Variants in KLHL29 observed in about 807,000 individuals in gnomAD.
KLHL29 encodes kelch like family member 29, also known as kelch-like protein 29.
KLHL29 carries 21 observed loss-of-function variants against 80.4 expected under a neutral mutation model. The observed-to-expected ratio is 0.26, with a 90% confidence interval of 0.19 to 0.38. The LOEUF (loss-of-function observed/expected upper bound fraction) is 0.38. Ranked by LOEUF, KLHL29 falls within the 10% of genes least tolerant of loss-of-function variation. The probability of loss-of-function intolerance (pLI) is 1.00; values close to 1 mark genes in which losing one functional copy is unlikely to be tolerated. For missense variants in KLHL29, 867 were observed against 1,223.9 expected, an observed-to-expected ratio of 0.71 and a Z score of 4.35; for synonymous variants, 511 against 526.8, an observed-to-expected ratio of 0.97 and a Z score of 0.41.
At chr2:23,627,924 T>TTTTTTTTG (rs1558414555) in intron 3 of KLHL29, among the ~76,000 whole-genome samples, 4 of 150,046 alleles carry the variant, frequency 2.7e-5, no homozygotes, top group Admixed American at 6.6e-5. Flanking sequence ...TTTTTTTTTT[T>TTTTTTTTG]GAGATGGAGT....
chr2:23,654,422 A>G (rs1487729511), intron 5 of KLHL29, among the ~76,000 whole-genome samples: 1 of 152,230 alleles, frequency 6.6e-6, no homozygotes, highest in African/African-American at 2.4e-5. Flanking sequence ...TCATGTGAAC[A>G]GGCAGGTTTC....
At chr2:23,519,669 C>T (rs553930937) in intron 2 of KLHL29, among the ~76,000 whole-genome samples, 4 of 152,154 alleles carry the variant, frequency 2.6e-5, no homozygotes, top group African/African-American at 7.2e-5. Flanking sequence ...GAAGTCCTGA[C>T]GACATGTTCC....
intron 1 of KLHL29, among the ~76,000 whole-genome samples, chr2:23,460,110 A>G (rs1344858651): frequency 1.3e-5 from 2 of 152,232 alleles, no homozygotes; most frequent in Non-Finnish European, 2.9e-5. Context: ...TCATTCATTT[A>G]TTCATTACTT....
intron 5 of KLHL29, among the ~76,000 whole-genome samples, chr2:23,676,958 TA>T (rs1461760892): frequency 6.6e-6 from 1 of 152,148 alleles, no homozygotes; most frequent in East Asian, 1.9e-4. Flanking sequence ...AATCTGTGAC[TA>T]GATCTAGGTC....
chr2:23,498,679 A>G (rs1558360748), intron 2 of KLHL29, among the ~76,000 whole-genome samples: 2 of 152,220 alleles, frequency 1.3e-5, no homozygotes, highest in South Asian at 4.1e-4. Flanking sequence ...GATGTCCTAT[A>G]CTGTGCTGGC....
At chr2:23,496,734 C>T (rs1157866183) in intron 2 of KLHL29, among the ~76,000 whole-genome samples, 1 of 152,228 alleles carries the variant, frequency 6.6e-6, no homozygotes, top group African/African-American at 2.4e-5. Context: ...GCTTCCTCTT[C>T]CCCTGACTTC....
At chr2:23,544,491 T>G (rs1338252878) in intron 2 of KLHL29, among the ~76,000 whole-genome samples, 1 of 152,202 alleles carries the variant, frequency 6.6e-6, no homozygotes, top group Non-Finnish European at 1.5e-5. Context: ...AGAATTGTTA[T>G]GTAGATTAAA....
At chr2:23,673,262 A>G (rs200560025) in intron 5 of KLHL29, among the ~76,000 whole-genome samples, 122 of 120,248 alleles carry the variant, frequency 1.0e-3, no homozygotes, top group African/African-American at 2.8e-3. Flanking sequence ...CACATGCACT[A>G]TACACAAGAG....
intron 3 of KLHL29, among the ~76,000 whole-genome samples, chr2:23,628,711 CCA>C (rs1310872238): frequency 6.6e-6 from 1 of 152,232 alleles, no homozygotes; most frequent in East Asian, 1.9e-4. Flanking sequence ...CAGGCCCCAT[CCA>C]CAAATGGTTC....
chr2:23,547,935 T>A (rs1281218304), intron 2 of KLHL29, among the ~76,000 whole-genome samples: 4 of 151,904 alleles, frequency 2.6e-5, no homozygotes, highest in Admixed American at 2.6e-4. Context: ...CCACCAGCAA[T>A]ACAGAGGTGG....
At chr2:23,526,322 C>A (rs1280385311) in intron 2 of KLHL29, among the ~76,000 whole-genome samples, 1 of 151,848 alleles carries the variant, frequency 6.6e-6, no homozygotes, top group Non-Finnish European at 1.5e-5. Flanking sequence ...TCAGGGCATG[C>A]GGGAGGGGTG....
chr2:23,585,943 G>A (rs1668107644), intron 3 of KLHL29, among the ~76,000 whole-genome samples: 1 of 152,194 alleles, frequency 6.6e-6, no homozygotes, highest in Admixed American at 6.5e-5. Flanking sequence ...AGCAGTTCTG[G>A]TGGCCTTTGG....
At chr2:23,663,119 GCCCTGCTCCT>G (rs1558429456) in intron 5 of KLHL29, among the ~76,000 whole-genome samples, 4 of 151,956 alleles carry the variant, frequency 2.6e-5, no homozygotes, top group South Asian at 2.1e-4. Flanking sequence ...CCCCTACCGC[GCCCTGCTCCT>G]CGCTGCTCCT....
At chr2:23,706,454 A>C in intron 13 of KLHL29, 27 bp from the exon 14 acceptor site, 1 of 1,442,170 alleles carries the variant, frequency 6.9e-7, no homozygotes, top group East Asian at 2.7e-5. Context: ...TGAAATGCCT[A>C]ACTCTGTCCC....
At chr2:23,590,249 G>A (rs1258047341) in intron 3 of KLHL29, among the ~76,000 whole-genome samples, 1 of 151,492 alleles carries the variant, frequency 6.6e-6, no homozygotes, top group Non-Finnish European at 1.5e-5. Context: ...GGACCAGGGA[G>A]GGATGCAGCT....
intron 5 of KLHL29, among the ~76,000 whole-genome samples, chr2:23,679,107 C>T (rs1298725212): frequency 6.6e-6 from 1 of 151,752 alleles, no homozygotes; most frequent in African/African-American, 2.4e-5. Flanking sequence ...GAAACCAACA[C>T]AGGGAAAGTT....
rs1402915599 is a variant in KLHL29, at chr2:23,700,935, C to T, written c.2106-2251C>T. Among the ~76,000 whole-genome samples the T allele has an allele frequency of 1.3e-5, 2 of 152,162 alleles. No homozygotes were observed. The highest frequency in any genetic ancestry group is 2.9e-5 in the Non-Finnish European group (2 of 68,040). ...TACATTTCCCCAGTTTGTCCTCAGCCCCCATGCACTTCACATCTCCCCAGC... is the reference window on the plus strand; with the variant it reads ...TACATTTCCCCAGTTTGTCCTCAGCTCCCATGCACTTCACATCTCCCCAGC... On this transcript the variant is annotated intron_variant, in intron 11 of 13. Coordinates refer to ENST00000486442, the MANE Select transcript of KLHL29 (RefSeq NM_052920.2). This position sits in a 1 kb window ranked among gnomAD's most constrained non-coding sequence, Gnocchi z 4.6.
intron 2 of KLHL29, among the ~76,000 whole-genome samples, chr2:23,493,668 T>C (rs1176491072): frequency 6.6e-6 from 1 of 152,082 alleles, no homozygotes; most frequent in Non-Finnish European, 1.5e-5. Flanking sequence ...CGCGCATGTG[T>C]GTGCATGTGT....
At chr2:23,563,298 C>T (rs760045686) in intron 3 of KLHL29, among the ~76,000 whole-genome samples, 3 of 152,222 alleles carry the variant, frequency 2.0e-5, no homozygotes, top group Non-Finnish European at 4.4e-5. Flanking sequence ...CGGAGCCCCT[C>T]AGGCAGCCTG....
Sources: gnomAD v4.1 joint callset for allele counts (sites outside exome capture counted in the v4.1 genomes callset) on GRCh38, gnomAD v4.1.1 for gene constraint, Gnocchi (gnomAD v3.1) non-coding constraint, MANE v1.5 for transcripts, NCBI Gene and HGNC (gene_info 2026-07-23, HGNC 2026-07-21) for gene names.